The following CTNNA2 variants were observed in gnomAD, a reference collection of about 807,000 sequenced individuals.
The protein encoded by CTNNA2 is catenin alpha 2.
In CTNNA2, 42 loss-of-function variants were observed where a neutral mutation model predicts 101.0. The observed-to-expected ratio is 0.42, with a 90% CI of 0.32 to 0.54. The LOEUF (loss-of-function observed/expected upper bound fraction) is 0.54, where lower values mean the gene tolerates loss of function less well. Among genes scored for constraint, CTNNA2 ranks in the 20% least tolerant of loss-of-function variants. The pLI is 0.14. For synonymous variants in CTNNA2, 450 were observed against 456.4 expected, an observed-to-expected ratio of 0.99 and a Z score of 0.18; for missense variants, 871 against 1,223.1, an observed-to-expected ratio of 0.71 and a Z score of 4.29.
chr2:79,991,137 T>C (rs1357689817), intron 7 of CTNNA2, among the ~76,000 whole-genome samples: 1 of 152,206 alleles, frequency 6.6e-6, no homozygotes, highest in African/African-American at 2.4e-5. Flanking sequence ...TTATCATTTT[T>C]TATTGTGTCT....
chr2:80,152,497 A>G (rs1703769260), intron 7 of CTNNA2, among the ~76,000 whole-genome samples: 1 of 152,264 alleles, frequency 6.6e-6, no homozygotes, highest in African/African-American at 2.4e-5. Context: ...GTAGGATTCC[A>G]TAAATGTTTG....
At chr2:79,594,261 C>T (rs904184129) in intron 1 of CTNNA2, among the ~76,000 whole-genome samples, 1 of 152,098 alleles carries the variant, frequency 6.6e-6, no homozygotes, top group African/African-American at 2.4e-5. Flanking sequence ...CTACTGATTG[C>T]CATCCACTTC....
At chr2:79,812,237 G>A (rs1677100656) in intron 3 of CTNNA2, among the ~76,000 whole-genome samples, 1 of 151,490 alleles carries the variant, frequency 6.6e-6, no homozygotes. Flanking sequence ...TCTTTTTCTT[G>A]ACTATTGCAC....
intron 13 of CTNNA2, among the ~76,000 whole-genome samples, chr2:80,575,500 A>G (rs1694965818): frequency 6.6e-6 from 1 of 152,038 alleles, no homozygotes; most frequent in Non-Finnish European, 1.5e-5. Context: ...GAAAAGAGAT[A>G]TAAGAATTGG....
chr2:79,294,200 A>G (rs1558610565), intron 2 of CTNNA2, among the ~76,000 whole-genome samples: 1 of 144,830 alleles, frequency 6.9e-6, no homozygotes, highest in Non-Finnish European at 1.5e-5. Context: ...AGAGAGAGAG[A>G]GAGAAGAAGA....
At chr2:80,158,614 A>G (rs920701404) in intron 7 of CTNNA2, among the ~76,000 whole-genome samples, 7 of 152,202 alleles carry the variant, frequency 4.6e-5, no homozygotes, top group African/African-American at 1.7e-4. Context: ...TTGTTGTTTT[A>G]AGAATGTCAT....
At chr2:80,566,606 A>G (rs1694083979) in intron 12 of CTNNA2, among the ~76,000 whole-genome samples, 1 of 152,248 alleles carries the variant, frequency 6.6e-6, no homozygotes, top group Admixed American at 6.5e-5. Flanking sequence ...TTAGAGCACA[A>G]AAGATCCACT....
chr2:79,194,519 G>A (rs1673933287), intron 1 of CTNNA2, among the ~76,000 whole-genome samples: 1 of 152,124 alleles, frequency 6.6e-6, no homozygotes, highest in Admixed American at 6.6e-5. Context: ...ATGCAGTGGA[G>A]GTCAGCAAAT....
intron 7 of CTNNA2, among the ~76,000 whole-genome samples, chr2:79,979,569 C>T (rs526565): frequency 0.64 from 96,904 of 151,952 alleles, 32,106 homozygotes; most frequent in Non-Finnish European, 0.74. Flanking sequence ...AAATAAAATA[C>T]CAGAATTGGA....
intron 2 of CTNNA2, chr2:79,697,994 TTTG>T (rs1374808181): frequency 6.6e-6 from 1 of 152,050 alleles, no homozygotes; most frequent in African/African-American, 2.4e-5. Flanking sequence ...GCTTTTTATT[TTTG>T]TTATGTTATA....
intron 1 of CTNNA2, among the ~76,000 whole-genome samples, chr2:79,550,742 G>A (rs1293421987): frequency 6.6e-6 from 1 of 152,162 alleles, no homozygotes; most frequent in Non-Finnish European, 1.5e-5. Context: ...TCTCAGCTAT[G>A]TTCCAGTAGG....
At position 79,228,561 on chromosome 2, in the gene CTNNA2, A is replaced by G. The variant is rs115345210; in HGVS notation, c.-406+30485A>G. The stretch of plus-strand genomic sequence containing the variant: ...CCACTTGTGTATCTTCTTTTGAGAA[A>G]TGTCAGTTCATGTCCTTTAGCTCAT... On this transcript the variant is annotated intron_variant, in intron 2 of 21. Transcript: ENST00000466387. Among the ~76,000 whole-genome samples the G allele has an allele frequency of 2.9e-3, 437 of 152,266 alleles. 2 individuals are homozygous for G. Among genetic ancestry groups the G allele is most frequent in the African/African-American group, 0.01 (425 of 41,546 alleles).
intron 13 of CTNNA2, chr2:80,579,269 T>A (rs1160333067): frequency 6.6e-6 from 1 of 152,184 alleles, no homozygotes; most frequent in African/African-American, 2.4e-5. Flanking sequence ...TGCTGCCAGG[T>A]TGGGTTTGTC....
intron 15 of CTNNA2, among the ~76,000 whole-genome samples, chr2:80,591,457 G>GTTTTTTGTTTTTTTTTTTTTTTT (rs1696486813): frequency 1.4e-5 from 1 of 70,314 alleles, no homozygotes; most frequent in Non-Finnish European, 3.0e-5. Flanking sequence ...TGCACAGCCT[G>GTTTTTTGTTTTTTTTTTTTTTTT]TTTTTTTTTT....
At chr2:79,969,484 A>G (rs961547229) in intron 7 of CTNNA2, among the ~76,000 whole-genome samples, 1 of 152,272 alleles carries the variant, frequency 6.6e-6, no homozygotes, top group Non-Finnish European at 1.5e-5. Flanking sequence ...GTTAAAAGAA[A>G]GAGGTCAGAA....
intron 1 of CTNNA2, among the ~76,000 whole-genome samples, chr2:79,636,269 CAAAA>C (rs57739991): frequency 0.065 from 4,351 of 66,854 alleles, 121 homozygotes; most frequent in Non-Finnish European, 0.099. Context: ...GACTCTGTCT[CAAAA>C]AAAAAAAAAA....
intron 6 of CTNNA2, among the ~76,000 whole-genome samples, chr2:79,907,537 C>T (rs1358542388): frequency 6.6e-6 from 1 of 152,082 alleles, no homozygotes; most frequent in African/African-American, 2.4e-5. Context: ...GGGACTTTCA[C>T]CTGTAATAAT....
At chr2:80,279,334 G>T (rs1253484357) in intron 7 of CTNNA2, among the ~76,000 whole-genome samples, 2 of 151,992 alleles carry the variant, frequency 1.3e-5, no homozygotes, top group South Asian at 2.1e-4. Flanking sequence ...TCTTTCATTT[G>T]TTCCTTTATG....
chr2:80,095,965 C>T (rs1420223025), intron 7 of CTNNA2, among the ~76,000 whole-genome samples: 1 of 152,040 alleles, frequency 6.6e-6, no homozygotes, highest in African/African-American at 2.4e-5. Context: ...CTCCTGGATA[C>T]ATTGATTTTT....
Sources: allele counts gnomAD v4.1 joint callset (sites outside exome capture counted in the v4.1 genomes callset), GRCh38; gene constraint gnomAD v4.1.1; transcripts MANE v1.5; gene names NCBI Gene and HGNC (gene_info 2026-07-23, HGNC 2026-07-21).